SNX29: variants seen among roughly 807,000 people sequenced by gnomAD.
SNX29 encodes sorting nexin-29.
In SNX29, 78 loss-of-function variants were observed where a neutral mutation model predicts 102.1. The observed-to-expected ratio is 0.76, with a 90% CI of 0.64 to 0.92. SNX29 has a LOEUF of 0.92. SNX29 is among the 40% of genes least tolerant of loss of function. SNX29 has a pLI of 0.00. For missense variants in SNX29, 1,280 were observed against 1,061.7 expected, an observed-to-expected ratio of 1.21 and a Z score of -2.86; for synonymous variants, 580 against 414.5, an observed-to-expected ratio of 1.40 and a Z score of -4.85.
At chr16:12,537,835 T>C (rs190353715) in intron 20 of SNX29, among the ~76,000 whole-genome samples, 1 of 152,058 alleles carries the variant, frequency 6.6e-6, no homozygotes, top group African/African-American at 2.4e-5. Flanking sequence ...TAAGAAGTTG[T>C]CTGGCTGGGC....
At chr16:12,383,013 G>A (rs1385897767) in intron 16 of SNX29, among the ~76,000 whole-genome samples, 1 of 152,116 alleles carries the variant, frequency 6.6e-6, no homozygotes, top group African/African-American at 2.4e-5. Flanking sequence ...CTTAGGATGT[G>A]GACATATCTT....
At chr16:12,051,342 A>AT in intron 7 of SNX29, among the ~76,000 whole-genome samples, 1 of 151,486 alleles carries the variant, frequency 6.6e-6, no homozygotes, top group African/African-American at 2.4e-5. Flanking sequence ...TAAAAAAAAA[A>AT]AAAAAAGCAG....
At chr16:12,218,386 T>A (rs59189321) in intron 14 of SNX29, among the ~76,000 whole-genome samples, 10,423 of 152,270 alleles carry the variant, frequency 0.068, 529 homozygotes, top group South Asian at 0.26. Context: ...ACAGTCTATG[T>A]CAGGAGTTGG....
chr16:12,086,493 C>G (rs2052198920), intron 11 of SNX29, among the ~76,000 whole-genome samples: 1 of 152,020 alleles, frequency 6.6e-6, no homozygotes, highest in South Asian at 2.1e-4. Context: ...TTACTGCAGC[C>G]TTGAACTCCT....
intron 18 of SNX29, among the ~76,000 whole-genome samples, chr16:12,430,460 G>C (rs2085264701): frequency 6.6e-6 from 1 of 152,182 alleles, no homozygotes; most frequent in Admixed American, 6.5e-5. Context: ...ACCTGCTTTG[G>C]AATTGGTCAT....
intron 20 of SNX29, among the ~76,000 whole-genome samples, chr16:12,534,528 A>C (rs1006618088): frequency 1.3e-5 from 2 of 152,172 alleles, no homozygotes; most frequent in African/African-American, 4.8e-5. Context: ...GGGTCTTTGG[A>C]GGGCAGTTGT....
chr16:12,393,761 C>T (rs1234736512), intron 16 of SNX29, among the ~76,000 whole-genome samples: 1 of 152,222 alleles, frequency 6.6e-6, no homozygotes, highest in Non-Finnish European at 1.5e-5. Flanking sequence ...ACTTGCTTCG[C>T]AGATTGTTTG....
At chr16:12,554,347 C>CT (rs1401582721) in intron 20 of SNX29, among the ~76,000 whole-genome samples, 14 of 149,030 alleles carry the variant, frequency 9.4e-5, no homozygotes, top group African/African-American at 3.5e-4. Context: ...TGTTCTGTAG[C>CT]TTTTCCCTTA....
chr16:12,101,439 A>G (rs1222623454), intron 11 of SNX29, among the ~76,000 whole-genome samples: 1 of 151,020 alleles, frequency 6.6e-6, no homozygotes, highest in Non-Finnish European at 1.5e-5. Context: ...GCTGGAGTAC[A>G]GTGGCGTGAT....
chr16:12,548,517 C>G (rs957026220), intron 20 of SNX29, among the ~76,000 whole-genome samples: 2 of 152,220 alleles, frequency 1.3e-5, no homozygotes, highest in African/African-American at 2.4e-5. Flanking sequence ...GGACCAGATG[C>G]TTTGAGGGTG....
rs556372940 is a variant in SNX29 at position 12,431,788 on chromosome 16, G to A, written c.2037+28259G>A. On this transcript the variant is annotated intron_variant, in intron 18 of 20. Coordinates refer to ENST00000566228, the MANE Select transcript of SNX29 (RefSeq NM_032167.5). Reference sequence around the variant, plus strand: ...TACCTAAACCCACAGCCGGTGCTGTGAGGTCGGGTAATGCTCACGACATAG... The same window carrying A: ...TACCTAAACCCACAGCCGGTGCTGTAAGGTCGGGTAATGCTCACGACATAG... Among the ~76,000 whole-genome samples the A allele has an allele frequency of 2.0e-5, 3 of 152,352 alleles. No homozygotes were observed. In the South Asian group the frequency reaches 6.2e-4, roughly 32 times the overall value.
At chr16:11,982,242 A>C (rs946541033) in intron 1 of SNX29, among the ~76,000 whole-genome samples, 5 of 152,116 alleles carry the variant, frequency 3.3e-5, no homozygotes, top group African/African-American at 1.2e-4. Flanking sequence ...TTCTTTAAAG[A>C]ACCCAGTAGA....
rs2079179279 is a variant in SNX29 at position 12,571,151 on chromosome 16, A to C, written c.*2522A>C. The C allele has an allele frequency of 4.3e-6, 1 of 230,704 alleles. No individual in the cohort carries two copies. Among genetic ancestry groups the C allele is most frequent in the South Asian group, 1.8e-4 (1 of 5,538 alleles). 14.3% of individuals were successfully genotyped at this position (230,704 alleles called of 1,614,324 possible). A position where few individuals can be genotyped will look rare whatever the true frequency, so the allele number is the denominator to read the frequency against. On this transcript the variant is annotated 3_prime_UTR_variant, in exon 21 of 21. Transcript: ENST00000566228. The stretch of plus-strand genomic sequence containing the variant: ...AATGATTGGGTCCATCTTGCTGCTC[A>C]GAAGAATCCCGTCCTGCTCTCTAGT...
intron 20 of SNX29, among the ~76,000 whole-genome samples, chr16:12,562,418 A>G (rs970201654): frequency 1.3e-5 from 2 of 152,118 alleles, no homozygotes; most frequent in African/African-American, 2.4e-5. Context: ...CAATTTACCC[A>G]CTTAAAGTGC....
rs534691380 is a variant in SNX29 at position 12,570,731 on chromosome 16, A to C, written c.*2102A>C. 1.3e-5 allele frequency: 3 copies of C among 232,276 alleles called. No individual in the cohort carries two copies. Among genetic ancestry groups the C allele is most frequent in the African/African-American group, 4.4e-5 (2 of 45,276 alleles). The allele number at this position is 232,276 out of a possible 1,614,324, so 14.4% of individuals were successfully genotyped here. A position where few individuals can be genotyped will look rare whatever the true frequency, so the allele number is the denominator to read the frequency against. ...ACAGGATGTGAATTGGTCTCTCTCC[A>C]GATACCCCACGAGGAAGCACCTTGG... On this transcript the variant is annotated 3_prime_UTR_variant, in exon 21 of 21. Transcript: ENST00000566228.
intron 3 of SNX29, among the ~76,000 whole-genome samples, chr16:12,010,751 A>AT (rs34541174): frequency 8.1e-4 from 121 of 148,644 alleles, no homozygotes; most frequent in Non-Finnish European, 1.3e-3. Flanking sequence ...TGTTTTGGTG[A>AT]TTTTTTTTTT....
At chr16:12,316,071 G>A (rs929992722) in intron 15 of SNX29, among the ~76,000 whole-genome samples, 50 of 152,326 alleles carry the variant, frequency 3.3e-4, no homozygotes, top group Admixed American at 1.6e-3. Flanking sequence ...GTGAATGCTG[G>A]CTGGGGAAGG....
rs1275464900 is a variant in SNX29 at position 12,570,861 on chromosome 16, T to C, written c.*2232T>C. ...CTGGTATTGAACTGGTGGGAGAAACTGCCTCCTACTTTTATAATACTGAAT... is the reference window on the plus strand; with the variant it reads ...CTGGTATTGAACTGGTGGGAGAAACCGCCTCCTACTTTTATAATACTGAAT... On this transcript the variant is annotated 3_prime_UTR_variant, in exon 21 of 21. Coordinates refer to ENST00000566228, the MANE Select transcript of SNX29 (RefSeq NM_032167.5). 2 of 231,958 alleles carry C rather than the reference T, an allele frequency of 8.6e-6. No individual in the cohort carries two copies. Among genetic ancestry groups the C allele is most frequent in the African/African-American group, 4.4e-5 (2 of 45,262 alleles). 14.4% of individuals were successfully genotyped at this position (231,958 alleles called of 1,614,324 possible). A position where few individuals can be genotyped will look rare whatever the true frequency, so the allele number is the denominator to read the frequency against.
chr16:12,384,845 G>C (rs1302230279), intron 16 of SNX29, among the ~76,000 whole-genome samples: 1 of 152,226 alleles, frequency 6.6e-6, no homozygotes, highest in South Asian at 2.1e-4. Context: ...TCTCCATGCA[G>C]TGTAGGCGGT....
Sources: allele counts gnomAD v4.1 joint callset (sites outside exome capture counted in the v4.1 genomes callset), GRCh38; gene constraint gnomAD v4.1.1; transcripts MANE v1.5; gene names NCBI Gene and HGNC (gene_info 2026-07-23, HGNC 2026-07-21).